The following TLK1 variants were observed in gnomAD, a reference collection of about 807,000 sequenced individuals.
The protein encoded by TLK1 is serine/threonine-protein kinase tousled-like 1.
A neutral mutation model predicts 105.3 loss-of-function variants in TLK1; 24 were observed. The ratio of observed to expected loss-of-function variants is 0.23; its 90% CI spans 0.17 to 0.32. The LOEUF (loss-of-function observed/expected upper bound fraction) is 0.32, where lower values mean the gene tolerates loss of function less well. Ranked by LOEUF, TLK1 falls within the 10% of genes least tolerant of loss-of-function variation. TLK1 has a pLI of 1.00. For missense variants in TLK1, 558 were observed against 910.5 expected, an observed-to-expected ratio of 0.61 and a Z score of 4.98; for synonymous variants, 321 against 310.4, an observed-to-expected ratio of 1.03 and a Z score of -0.36.
intron 2 of TLK1, among the ~76,000 whole-genome samples, chr2:171,100,401 A>C (rs1440088184): frequency 6.6e-6 from 1 of 152,086 alleles, no homozygotes; most frequent in Non-Finnish European, 1.5e-5. Context: ...CTCTGGCAAG[A>C]CTGGATTTAG....
intron 1 of TLK1, among the ~76,000 whole-genome samples, chr2:171,143,687 G>C (rs1691682103): frequency 6.6e-6 from 1 of 151,936 alleles, no homozygotes; most frequent in Non-Finnish European, 1.5e-5. Context: ...GTAATCACTA[G>C]TAATTCAAAT....
chr2:171,035,353 A>AG (rs1425510991), intron 11 of TLK1, among the ~76,000 whole-genome samples: 13 of 132,262 alleles, frequency 9.8e-5, no homozygotes, highest in African/African-American at 3.5e-4. Context: ...AAAAAAAAAA[A>AG]GGGGGTTGGG....
In TLK1 at chr2:171,141,562, A is replaced by G. The variant is rs1691575441; in HGVS notation, c.139+18728T>C. Among the ~76,000 whole-genome samples the G allele has an allele frequency of 2.6e-5, 4 of 150,990 alleles. No homozygotes were observed. The South Asian group carries it at 8.4e-4, about 32-fold the overall frequency. Reference sequence around the variant, plus strand: ...CCCACTCCAACAAAAACAAAAAGTGACCAGAGATCTACAAGCTAGATTACA... The same window carrying G: ...CCCACTCCAACAAAAACAAAAAGTGGCCAGAGATCTACAAGCTAGATTACA... On this transcript the variant is annotated intron_variant, in intron 1 of 20. Coordinates refer to ENST00000431350, the MANE Select transcript of TLK1 (RefSeq NM_012290.5).
intron 3 of TLK1, among the ~76,000 whole-genome samples, chr2:171,076,771 A>G (rs1688531043): frequency 6.6e-6 from 1 of 151,038 alleles, no homozygotes; most frequent in African/African-American, 2.4e-5. Flanking sequence ...AAAATCAGCC[A>G]GGCGTGGTGG....
chr2:171,143,778 G>A (rs1045974867), intron 1 of TLK1, among the ~76,000 whole-genome samples: 6 of 152,028 alleles, frequency 3.9e-5, no homozygotes, highest in African/African-American at 7.2e-5. Flanking sequence ...GTAGAGGAGG[G>A]AAAGAGGACA....
chr2:171,026,839 T>C (rs1345813731), intron 12 of TLK1, among the ~76,000 whole-genome samples: 2 of 152,146 alleles, frequency 1.3e-5, no homozygotes, highest in African/African-American at 2.4e-5. Context: ...ATGATAGTTA[T>C]ATAGCTCCAT....
rs1692459348 is a variant in TLK1, at chr2:171,160,737, G to C, written c.-309C>G. The C allele has an allele frequency of 4.5e-6, 2 of 446,914 alleles. No individual in the cohort carries two copies. The highest frequency in any genetic ancestry group is 6.0e-5 in the South Asian group (1 of 16,760). 27.7% of individuals were successfully genotyped at this position (446,914 alleles called of 1,614,324 possible). A position where few individuals can be genotyped will look rare whatever the true frequency, so the allele number is the denominator to read the frequency against. ...CGTCGAGGGGGTGCCAGCCGGGCCG[G>C]GGTCGGAGCGCGGGCGGAGCGCGGG... is the stretch of plus-strand genomic sequence containing the variant. On this transcript the variant is annotated 5_prime_UTR_variant, in exon 1 of 21. Coordinates refer to ENST00000431350, the MANE Select transcript of TLK1 (RefSeq NM_012290.5). The surrounding 1 kb of genome is among the most constrained non-coding windows in gnomAD (Gnocchi z 4.4).
rs1055416085 is a variant in TLK1, at chr2:171,006,650, C to G, written c.1599-7G>C. ...TTCTAACACTGTACAAAACCTACAA[C>G]AGAGAAGAGAAAAAAATTAGACATA... On this transcript the variant is annotated splice_region_variant and splice_polypyrimidine_tract_variant and intron_variant, in intron 16 of 20. Transcript: ENST00000431350. 6.2e-7 allele frequency: 1 copy of G among 1,611,692 alleles called. No homozygotes were observed. Among genetic ancestry groups the G allele is most frequent in the African/African-American group, 1.3e-5 (1 of 74,946 alleles).
intron 1 of TLK1, among the ~76,000 whole-genome samples, chr2:171,203,927 C>T (rs1292242065): frequency 6.6e-6 from 1 of 152,044 alleles, no homozygotes; most frequent in African/African-American, 2.4e-5. Context: ...TGGCGCACAC[C>T]TGTAGTCCCA....
intron 1 of TLK1, among the ~76,000 whole-genome samples, chr2:171,196,976 G>C (rs553488200): frequency 6.6e-6 from 1 of 152,194 alleles, no homozygotes; most frequent in Admixed American, 6.5e-5. Flanking sequence ...TACATTTCAC[G>C]TAAGTCATAA....
At chr2:171,168,854 G>A (rs1375251525) in intron 1 of TLK1, among the ~76,000 whole-genome samples, 1 of 152,198 alleles carries the variant, frequency 6.6e-6, no homozygotes, top group Non-Finnish European at 1.5e-5. Flanking sequence ...GCAGAGGCAG[G>A]TGGATCACTT....
At chr2:171,088,296 C>T (rs192785830) in intron 2 of TLK1, among the ~76,000 whole-genome samples, 420 of 152,232 alleles carry the variant, frequency 2.8e-3, no homozygotes, top group Non-Finnish European at 4.0e-3. Flanking sequence ...AGTGCCACTG[C>T]GCTCCACCCT....
chr2:171,121,993 C>CTGGA (rs1241811883), intron 1 of TLK1, among the ~76,000 whole-genome samples: 9 of 152,218 alleles, frequency 5.9e-5, no homozygotes, highest in Admixed American at 4.6e-4. Flanking sequence ...TGTCACCAGG[C>CTGGA]TGGAGTGTAG....
chr2:171,094,970 A>C (rs772839855), intron 2 of TLK1, among the ~76,000 whole-genome samples: 4 of 152,330 alleles, frequency 2.6e-5, no homozygotes, highest in Admixed American at 2.6e-4. Flanking sequence ...TATGACTGCC[A>C]TAAAGATTTG....
At chr2:171,180,051 C>A (rs1181445209) in intron 1 of TLK1, among the ~76,000 whole-genome samples, 1 of 147,540 alleles carries the variant, frequency 6.8e-6, no homozygotes, top group Non-Finnish European at 1.5e-5. Flanking sequence ...GCTGAGATCT[C>A]ACGACTGCAC....
chr2:171,172,770 G>A (rs761534607), intron 1 of TLK1, among the ~76,000 whole-genome samples: 5 of 152,230 alleles, frequency 3.3e-5, no homozygotes, highest in Admixed American at 1.3e-4. Flanking sequence ...CAGAAGCCAC[G>A]CAGATGTCAG....
intron 2 of TLK1, among the ~76,000 whole-genome samples, chr2:171,102,706 C>T (rs943172675): frequency 1.3e-5 from 2 of 152,106 alleles, no homozygotes; most frequent in Admixed American, 1.3e-4. Context: ...CCTTAAAAAA[C>T]GTCTATCATT....
intron 2 of TLK1, among the ~76,000 whole-genome samples, chr2:171,088,394 G>A (rs891966030): frequency 1.3e-5 from 2 of 152,140 alleles, no homozygotes; most frequent in African/African-American, 2.4e-5. Flanking sequence ...ACAGTTTCCA[G>A]TAAGTGTTTA....
At chr2:171,128,978 G>T (rs1044127125) in intron 1 of TLK1, among the ~76,000 whole-genome samples, 2 of 152,282 alleles carry the variant, frequency 1.3e-5, no homozygotes, top group East Asian at 3.9e-4. Flanking sequence ...GTGTGTGTGT[G>T]TGTGTATGTG....
Sources: allele counts gnomAD v4.1 joint callset (sites outside exome capture counted in the v4.1 genomes callset), GRCh38; gene constraint gnomAD v4.1.1; non-coding constraint Gnocchi (gnomAD v3.1); transcripts MANE v1.5; gene names NCBI Gene and HGNC (gene_info 2026-07-23, HGNC 2026-07-21).